TTC28: variants seen among roughly 807,000 people sequenced by gnomAD.
The protein encoded by TTC28 is tetratricopeptide repeat protein 28.
TTC28 carries 61 observed loss-of-function variants against 198.0 expected under a neutral mutation model. The observed-to-expected ratio is 0.31, with a 90% CI of 0.25 to 0.38. The LOEUF (loss-of-function observed/expected upper bound fraction) is 0.38, where lower values mean the gene tolerates loss of function less well. Ranked by LOEUF, TTC28 falls within the 10% of genes least tolerant of loss-of-function variation. TTC28 has a pLI of 1.00. For synonymous variants in TTC28, 1,171 were observed against 1,297.8 expected, an observed-to-expected ratio of 0.90 and a Z score of 2.10; for missense variants, 2,678 against 3,164.0, an observed-to-expected ratio of 0.85 and a Z score of 3.69.
intron 2 of TTC28, among the ~76,000 whole-genome samples, chr22:28,317,184 T>C (rs79913838): frequency 0.02 from 3,078 of 152,310 alleles, 30 homozygotes; most frequent in Non-Finnish European, 0.027. Context: ...CCTTTACTTC[T>C]TAGAGAATGG....
intron 2 of TTC28, among the ~76,000 whole-genome samples, chr22:28,489,303 T>A (rs1197174852): frequency 2.0e-5 from 3 of 148,110 alleles, no homozygotes; most frequent in Non-Finnish European, 1.5e-5. Context: ...AATTAAAAAT[T>A]AAAAAAAAAA....
At chr22:28,341,598 C>G (rs1163097913) in intron 2 of TTC28, among the ~76,000 whole-genome samples, 1 of 152,028 alleles carries the variant, frequency 6.6e-6, no homozygotes, top group African/African-American at 2.4e-5. Flanking sequence ...TCAAGACCAG[C>G]CTGGTCAACA....
chr22:28,423,294 G>T (rs2047291058), intron 2 of TTC28, among the ~76,000 whole-genome samples: 1 of 152,176 alleles, frequency 6.6e-6, no homozygotes, highest in African/African-American at 2.4e-5. Context: ...GGAGGCTGAG[G>T]CAGGAGGATT....
Position 28,195,742 on chromosome 22 carries a change from C to T in TTC28, c.934-32143G>A, listed in dbSNP as rs901306900. Among the ~76,000 whole-genome samples, 188 of 121,936 alleles carry T rather than the reference C, an allele frequency of 1.5e-3. 1 individual carries two copies. In the East Asian group the frequency reaches 0.042, roughly 27 times the overall value. 80.0% of individuals were successfully genotyped at this position (121,936 alleles called of 152,430 possible). A position where few individuals can be genotyped will look rare whatever the true frequency, so the allele number is the denominator to read the frequency against. On this transcript the variant is annotated intron_variant, in intron 5 of 22. Transcript: ENST00000397906. ...TCCAACTTACAAGGGATGTGAAGGA[C>T]CTCTTCAAGGAGAACTACAAACCAC...
At chr22:28,356,134 A>T (rs891807525) in intron 2 of TTC28, among the ~76,000 whole-genome samples, 7 of 152,178 alleles carry the variant, frequency 4.6e-5, no homozygotes, top group African/African-American at 1.7e-4. Flanking sequence ...TAACACATAA[A>T]CATGTTCTGT....
intron 5 of TTC28, among the ~76,000 whole-genome samples, chr22:28,222,341 A>G (rs1927941042): frequency 6.6e-6 from 1 of 152,144 alleles, no homozygotes; most frequent in East Asian, 1.9e-4. Context: ...AGTTTAGTTC[A>G]TGGCTGCCAC....
At chr22:28,337,160 T>A (rs2045739512) in intron 2 of TTC28, among the ~76,000 whole-genome samples, 1 of 152,212 alleles carries the variant, frequency 6.6e-6, no homozygotes, top group Non-Finnish European at 1.5e-5. Flanking sequence ...TTCAGTGAGT[T>A]TCTTAATCCT....
intron 5 of TTC28, among the ~76,000 whole-genome samples, chr22:28,257,701 A>T (rs1931026483): frequency 7.1e-6 from 1 of 140,904 alleles, no homozygotes; most frequent in African/African-American, 2.7e-5. Context: ...AAAATGGTAA[A>T]GATGGTAAAT....
intron 12 of TTC28, among the ~76,000 whole-genome samples, chr22:28,037,054 C>A (rs564601272): frequency 1.3e-5 from 2 of 152,230 alleles, no homozygotes; most frequent in African/African-American, 2.4e-5. Flanking sequence ...AAGTCCAGGA[C>A]CAGATGGATT....
intron 2 of TTC28, among the ~76,000 whole-genome samples, chr22:28,458,289 C>T (rs1215692324): frequency 6.6e-6 from 1 of 152,012 alleles, no homozygotes; most frequent in East Asian, 1.9e-4. Flanking sequence ...TAAAATAAAA[C>T]AGATAAAGTA....
chr22:28,381,730 T>C (rs907347146), intron 2 of TTC28, among the ~76,000 whole-genome samples: 3 of 152,140 alleles, frequency 2.0e-5, no homozygotes, highest in Non-Finnish European at 4.4e-5. Context: ...CCAATTCTCT[T>C]AAGGGTACCA....
intron 5 of TTC28, among the ~76,000 whole-genome samples, chr22:28,294,535 GA>G (rs1293503314): frequency 1.3e-5 from 2 of 150,256 alleles, no homozygotes; most frequent in Non-Finnish European, 3.0e-5. Flanking sequence ...TGAAGGTTAG[GA>G]AAAAAGAGTA....
At chr22:28,051,817 T>C (rs1041805740) in intron 12 of TTC28, among the ~76,000 whole-genome samples, 1 of 152,162 alleles carries the variant, frequency 6.6e-6, no homozygotes, top group African/African-American at 2.4e-5. Flanking sequence ...GCCATGATTA[T>C]ACCCTACCAC....
At chr22:28,309,478 G>A (rs1320784297) in intron 2 of TTC28, among the ~76,000 whole-genome samples, 1 of 152,180 alleles carries the variant, frequency 6.6e-6, no homozygotes. Flanking sequence ...CCAAAGGAAA[G>A]GTCAGGATAT....
chr22:28,542,515 G>A (rs2049436906), intron 2 of TTC28, among the ~76,000 whole-genome samples: 1 of 152,078 alleles, frequency 6.6e-6, no homozygotes, highest in Non-Finnish European at 1.5e-5. Context: ...TGGACTTAAT[G>A]CCACTGAACT....
intron 21 of TTC28, among the ~76,000 whole-genome samples, chr22:27,989,078 G>GT (rs1407623205): frequency 6.6e-6 from 1 of 152,220 alleles, no homozygotes; most frequent in African/African-American, 2.4e-5. Context: ...GGGCCCCTAA[G>GT]TGGGGCAGGA....
chr22:28,531,696 T>A (rs1244775539), intron 2 of TTC28, among the ~76,000 whole-genome samples: 3 of 152,078 alleles, frequency 2.0e-5, no homozygotes, highest in Non-Finnish European at 4.4e-5. Flanking sequence ...GAACAGAAAT[T>A]ATAACAAATT....
rs575872071 is a variant in TTC28, at chr22:28,392,574, C to T, written c.382-85931G>A. ...CCATTTTTTAAGCCCATCGGAAAAGCGCAGTATTCGGGTGGGAGTGACCCG... is the reference window on the plus strand; with the variant it reads ...CCATTTTTTAAGCCCATCGGAAAAGTGCAGTATTCGGGTGGGAGTGACCCG... On this transcript the variant is annotated intron_variant, in intron 2 of 22. Coordinates refer to ENST00000397906, the MANE Select transcript of TTC28 (RefSeq NM_001145418.2). Among the ~76,000 whole-genome samples, 1,273 of 152,004 alleles carry T rather than the reference C, an allele frequency of 8.4e-3. 25 individuals are homozygous for T. The highest frequency in any genetic ancestry group is 0.03 in the African/African-American group (1,227 of 41,458).
intron 6 of TTC28, among the ~76,000 whole-genome samples, chr22:28,130,272 C>T (rs1009417921): frequency 6.6e-6 from 1 of 152,068 alleles, no homozygotes; most frequent in Non-Finnish European, 1.5e-5. Context: ...TGTCTTCCCC[C>T]ACTCCCCAAA....
Sources: gnomAD v4.1 joint callset for allele counts (sites outside exome capture counted in the v4.1 genomes callset) on GRCh38, gnomAD v4.1.1 for gene constraint, MANE v1.5 for transcripts, NCBI Gene and HGNC (gene_info 2026-07-23, HGNC 2026-07-21) for gene names.